F5: variants seen among roughly 807,000 people sequenced by gnomAD.
F5 encodes the protein coagulation factor V.
F5 carries 138 observed loss-of-function variants against 216.4 expected under a neutral mutation model. The ratio of observed to expected loss-of-function variants is 0.64; its 90% confidence interval spans 0.56 to 0.73. The LOEUF is 0.73. Among genes scored for constraint, F5 ranks in the 30% least tolerant of loss-of-function variants. The probability of loss-of-function intolerance (pLI) is 0.00; values close to 1 mark genes in which losing one functional copy is unlikely to be tolerated. For missense variants in F5, 2,403 were observed against 2,674.0 expected (o/e 0.90, Z 2.24); for synonymous variants, 916 against 930.7 (o/e 0.98, Z 0.29).
chr1:169,564,380 G>C (rs1032513865), intron 3 of F5, among the ~76,000 whole-genome samples: 1 of 151,932 alleles, frequency 6.6e-6, no homozygotes, highest in Non-Finnish European at 1.5e-5. Flanking sequence ...GAGCTTCTCC[G>C]AAGTCCAAAC....
In F5 at chr1:169,586,304, G is replaced by C. The variant is rs753979908; in HGVS notation, c.83C>G (p.Ala28Gly). 2.5e-5 allele frequency: 40 copies of C among 1,613,982 alleles called. No individual in the cohort carries two copies. The highest frequency in any genetic ancestry group is 3.4e-5 in the Non-Finnish European group (40 of 1,180,018). ...CACGTAGAACTGCCTTAGCTGTGCC[G>C]CTTCTGTCCCTTGGCTCCCCCAGCC... The part of the protein sequence containing the change: ...WVGWGSQGTE[A>G]AQLRQFYVAA... The change falls in exon 1 of 25, where the codon GCG becomes GGG. Residue 28 changes from alanine to glycine, a missense_variant. Physicochemically the swap from Ala to Gly is moderately conservative, Grantham distance 60. Coordinates refer to ENST00000367797, the MANE Select transcript of F5 (RefSeq NM_000130.5).
intron 10 of F5, among the ~76,000 whole-genome samples, chr1:169,548,083 C>T (rs182272942): frequency 6.2e-4 from 95 of 152,138 alleles, no homozygotes; most frequent in Non-Finnish European, 9.7e-4. Context: ...AGCAAGTTAA[C>T]GCAAGAACAG....
At chr1:169,517,506 G>A (rs1385332542) in intron 23 of F5, among the ~76,000 whole-genome samples, 1 of 152,118 alleles carries the variant, frequency 6.6e-6, no homozygotes, top group Non-Finnish European at 1.5e-5. Context: ...GTATCTTAAG[G>A]GAGGGAGATA....
At chr1:169,561,944 G>T (rs1027361058) in intron 3 of F5, among the ~76,000 whole-genome samples, 1 of 150,294 alleles carries the variant, frequency 6.7e-6, no homozygotes, top group African/African-American at 2.5e-5. Context: ...TCCTTTCCTA[G>T]TTTCTTTTCT....
Position 169,518,463 on chromosome 1 carries a change from G to A in F5, c.6294C>T (p.Pro2098=), listed in dbSNP as rs112171464. The A allele has an allele frequency of 2.5e-6, 4 of 1,613,792 alleles. No homozygotes were observed. Among genetic ancestry groups the A allele is most frequent in the African/African-American group, 2.7e-5 (2 of 74,968 alleles). Residue 2098 remains proline, a synonymous_variant, in exon 23 of 25, where the codon CCC becomes CCT. Transcript: ENST00000367797. Reference sequence around the variant, plus strand: ...CCTGGGCATTCAGACGGGCACGGAAGGGTTCCCAGTAATCTCCCCACCAAG... The same window carrying A: ...CCTGGGCATTCAGACGGGCACGGAAAGGTTCCCAGTAATCTCCCCACCAAG... The part of the protein sequence containing the change: ...KKSWWGDYWE[P]FRARLNAQGR...
chr1:169,553,865 C>T (rs1030271605), intron 7 of F5, among the ~76,000 whole-genome samples: 6 of 152,208 alleles, frequency 3.9e-5, no homozygotes, highest in African/African-American at 1.4e-4. Flanking sequence ...TAAATTAATT[C>T]AGCCATTGTG....
At chr1:169,529,485 T>G (rs942553198) in intron 16 of F5, 123 bp downstream of exon 16, 1 of 883,774 alleles carries the variant, frequency 1.1e-6, no homozygotes, top group African/African-American at 1.7e-5. Flanking sequence ...GAACCGGTTT[T>G]AGTTGTAGCT....
chr1:169,585,989 A>C (rs1661094730), intron 1 of F5, among the ~76,000 whole-genome samples: 1 of 152,242 alleles, frequency 6.6e-6, no homozygotes, highest in South Asian at 2.1e-4. Context: ...CTTGAAAAGA[A>C]GGTAGCATCT....
At chr1:169,520,486 G>A in intron 22 of F5, 34 bp downstream of exon 22, 1 of 1,613,060 alleles carries the variant, frequency 6.2e-7, no homozygotes, top group East Asian at 2.2e-5. Flanking sequence ...TTCTTTGAGT[G>A]GCAGTGAGAA....
At chr1:169,585,483 T>C (rs898356772) in intron 1 of F5, among the ~76,000 whole-genome samples, 1 of 152,178 alleles carries the variant, frequency 6.6e-6, no homozygotes, top group Non-Finnish European at 1.5e-5. Context: ...TTCTGAGAAG[T>C]CTTATTTTTA....
At chr1:169,517,184 TG>T (rs1659178660) in intron 23 of F5, among the ~76,000 whole-genome samples, 1 of 152,194 alleles carries the variant, frequency 6.6e-6, no homozygotes, top group Non-Finnish European at 1.5e-5. Flanking sequence ...GAGCATGGCC[TG>T]TTTACTGGGA....
chr1:169,539,659 T>C (rs1659787329), intron 13 of F5, among the ~76,000 whole-genome samples: 1 of 152,212 alleles, frequency 6.6e-6, no homozygotes, highest in Non-Finnish European at 1.5e-5. Flanking sequence ...ACAGCTTTAG[T>C]AAAAGCTGTG....
At chr1:169,586,072 G>T (rs931117266) in intron 1 of F5, among the ~76,000 whole-genome samples, 157 bp downstream of exon 1, 1 of 151,210 alleles carries the variant, frequency 6.6e-6, no homozygotes, top group African/African-American at 2.4e-5. Flanking sequence ...ATTAGCATTT[G>T]CCCAGTTTAT....
In F5 at chr1:169,519,064, A is replaced by G. The variant is rs562887705; in HGVS notation, c.6194-501T>C. On this transcript the variant is annotated intron_variant, in intron 22 of 24. Transcript: ENST00000367797. ...CCTTAGAGGGTAATTCGAGTTATGTACCCTTTGGAATTTTTCCAAGGTGTA... is the reference window on the plus strand; with the variant it reads ...CCTTAGAGGGTAATTCGAGTTATGTGCCCTTTGGAATTTTTCCAAGGTGTA... Among the ~76,000 whole-genome samples, 407 of 152,334 alleles carry G rather than the reference A, an allele frequency of 2.7e-3. 2 individuals carry two copies. Among genetic ancestry groups the G allele is most frequent in the Admixed American group, 4.8e-3 (73 of 15,292 alleles).
chr1:169,550,108 T>C, intron 9 of F5, 93 bp from the exon 10 acceptor site: 1 of 976,892 alleles, frequency 1.0e-6, no homozygotes, highest in African/African-American at 1.7e-5. Flanking sequence ...CCAATTAATA[T>C]TGCAAAAGGA....
intron 1 of F5, among the ~76,000 whole-genome samples, chr1:169,584,973 G>T (rs955182749): frequency 6.6e-6 from 1 of 152,126 alleles, no homozygotes; most frequent in South Asian, 2.1e-4. Flanking sequence ...TATTTTCAAC[G>T]CTAACTACAG....
chr1:169,548,873 G>GAA (rs375498661), intron 10 of F5, among the ~76,000 whole-genome samples: 8 of 104,622 alleles, frequency 7.6e-5, no homozygotes, highest in Non-Finnish European at 1.2e-4. Flanking sequence ...TGTCTCAAAA[G>GAA]AAAAAAAAAA....
intron 2 of F5, 38 bp downstream of exon 2, chr1:169,582,393 T>C: frequency 8.5e-7 from 1 of 1,174,656 alleles, no homozygotes; most frequent in Admixed American, 2.2e-5. Context: ...CCCATAGAAA[T>C]TTATCTTTAA....
chr1:169,520,610 GT>G lies in F5; in HGVS notation c.6102del (p.Pro2035LeufsTer29). ...ASTIKENQFD[P>X]PIVARYIRIS... is the part of the protein sequence containing the mutation. The stretch of plus-strand genomic sequence containing the variant: ...ATCCTAATATATCTAGCCACAATAG[GT>G]GGGTCAAACTGATTCTCTTTTATTG... On this transcript the variant is annotated frameshift_variant, in exon 22 of 25. Coordinates refer to ENST00000367797, the MANE Select transcript of F5 (RefSeq NM_000130.5). LOFTEE classifies it high-confidence loss of function. 1 of 1,613,930 alleles carries G rather than the reference GT, an allele frequency of 6.2e-7. No homozygotes were observed. Among genetic ancestry groups the G allele is most frequent in the Non-Finnish European group, 8.5e-7 (1 of 1,179,886 alleles).
Sources: gnomAD v4.1 joint callset for allele counts (sites outside exome capture counted in the v4.1 genomes callset) on GRCh38, gnomAD v4.1.1 for gene constraint, MANE v1.5 for transcripts, NCBI Gene and HGNC (gene_info 2026-07-23, HGNC 2026-07-21) for gene names.